IQCF2: variants seen among roughly 807,000 people sequenced by gnomAD.
The protein encoded by IQCF2 is IQ motif containing F2, also known as IQ domain-containing protein F2.
IQCF2 carries 6 observed loss-of-function variants against 7.0 expected under a neutral mutation model. The ratio of observed to expected loss-of-function variants is 0.86; its 90% CI spans 0.47 to 1.70. The LOEUF is 1.70. Among genes scored for constraint, IQCF2 ranks in the 40% most tolerant of loss-of-function variants. The pLI is 0.01. For missense variants in IQCF2, 174 were observed against 204.6 expected (o/e 0.85, Z 0.91); for synonymous variants, 67 against 74.0 (o/e 0.91, Z 0.48).
At chr3:51,862,045 T>A in intron 2 of IQCF2, 95 bp downstream of exon 2, 1 of 846,474 alleles carries the variant, frequency 1.2e-6, no homozygotes, top group Non-Finnish European at 1.9e-6. Flanking sequence ...CAGGGTCTAA[T>A]TAGGAGTCAA....
intron 2 of IQCF2, 148 bp from the exon 3 acceptor site, chr3:51,862,839 C>A: frequency 1.1e-6 from 1 of 930,638 alleles, no homozygotes; most frequent in Non-Finnish European, 1.6e-6. Context: ...ACCACCAGGT[C>A]TGATGGCTCC....
In IQCF2 at chr3:51,861,687, A is replaced by G; in HGVS notation, c.18+3A>G. On this transcript the variant is annotated splice_donor_region_variant and intron_variant, in intron 1 of 2. Coordinates refer to ENST00000333127, the MANE Select transcript of IQCF2 (RefSeq NM_203424.2). ...AGGCCATGAGGGTTCGATTTTGTGT[A>G]AGAGACATGGCCAGATCTATTAGGT... 1 of 1,614,202 alleles carries G rather than the reference A, an allele frequency of 6.2e-7. No individual in the cohort carries two copies. Among genetic ancestry groups the G allele is most frequent in the Non-Finnish European group, 8.5e-7 (1 of 1,180,006 alleles).
rs1214842938 is a variant in IQCF2 at position 51,861,844 on chromosome 3, AAT to A, written c.19-13_19-12del. 1.2e-6 allele frequency: 2 copies of A among 1,606,594 alleles called. No individual in the cohort carries two copies. The highest frequency in any genetic ancestry group is 3.3e-5 in the Admixed American group (2 of 59,986). Reference sequence around the variant, plus strand: ...TAACTCATTTATGTACTTCCCATTTAATTCTGATGACAGACCAAAGGCAATTT... The same window carrying A: ...TAACTCATTTATGTACTTCCCATTTATCTGATGACAGACCAAAGGCAATTT... On this transcript the variant is annotated splice_polypyrimidine_tract_variant and intron_variant, in intron 1 of 2. Transcript: ENST00000333127.
chr3:51,863,077 C>G lies in IQCF2; in HGVS notation c.202C>G (p.Leu68Val). The G allele has an allele frequency of 6.2e-7, 1 of 1,614,228 alleles. No individual in the cohort carries two copies. The highest frequency in any genetic ancestry group is 8.5e-7 in the Non-Finnish European group (1 of 1,180,044). The part of the protein sequence containing the change: ...LVRRTLLHAA[L>V]RAWIIQCWWR... ...GCGCAGGACACTGCTGCATGCAGCC[C>G]TCAGGGCCTGGATAATTCAGTGCTG... Residue 68 changes from leucine to valine, a missense_variant, in exon 3 of 3, where the codon CTC becomes GTC. By Grantham distance (32) the Leu-to-Val change is conservative. Coordinates refer to ENST00000333127, the MANE Select transcript of IQCF2 (RefSeq NM_203424.2).
Position 51,863,140 on chromosome 3 carries a change from C to A in IQCF2, c.265C>A (p.Arg89=). 1 of 1,614,210 alleles carries A rather than the reference C, an allele frequency of 6.2e-7. No homozygotes were observed. Among genetic ancestry groups the A allele is most frequent in the Admixed American group, 1.7e-5 (1 of 60,028 alleles). ...MTLSRVLEKK[R]QAALIAYATR... ...GCTGTCGAGGGTGCTGGAGAAGAAA[C>A]GGCAGGCAGCTCTGATCGCCTACGC... The change falls in exon 3 of 3, where the codon CGG becomes AGG. Residue 89 remains arginine, a synonymous_variant. Coordinates refer to ENST00000333127, the MANE Select transcript of IQCF2 (RefSeq NM_203424.2).
intron 1 of IQCF2, 34 bp from the exon 2 acceptor site, chr3:51,861,824 C>T (rs1462847332): frequency 6.3e-7 from 1 of 1,576,968 alleles, no homozygotes; most frequent in Non-Finnish European, 8.7e-7. Context: ...AGTCTTAACT[C>T]ATTTATGTAC....
Position 51,863,163 on chromosome 3 carries a change from C to G in IQCF2, c.288C>G (p.Tyr96Ter). 1 of 1,614,198 alleles carries G rather than the reference C, an allele frequency of 6.2e-7. No individual in the cohort carries two copies. The highest frequency in any genetic ancestry group is 8.5e-7 in the Non-Finnish European group (1 of 1,180,030). The change falls in exon 3 of 3, where the codon TAC becomes TAG. Residue 96 changes from tyrosine to a stop codon, truncating the protein, a stop_gained. Transcript: ENST00000333127. LOFTEE classifies it high-confidence loss of function. ...AACGGCAGGCAGCTCTGATCGCCTACGCAACCAGAGAGAGGGCAGTGATCA... is the reference window on the plus strand; with the variant it reads ...AACGGCAGGCAGCTCTGATCGCCTAGGCAACCAGAGAGAGGGCAGTGATCA... ...EKKRQAALIA[Y>*]ATRERAVIKL...
rs765103513 is a variant in IQCF2, at chr3:51,863,121, G to A, written c.246G>A (p.Ser82=). 5 of 1,614,242 alleles carry A rather than the reference G, an allele frequency of 3.1e-6. No individual in the cohort carries two copies. Among genetic ancestry groups the A allele is most frequent in the South Asian group, 1.1e-5 (1 of 91,088 alleles). The change falls in exon 3 of 3, where the codon TCG becomes TCA. Residue 82 remains serine (S), a synonymous_variant. Transcript: ENST00000333127. ...IIQCWWRMTL[S]RVLEKKRQAA... ...AGTGCTGGTGGCGGATGACGCTGTC[G>A]AGGGTGCTGGAGAAGAAACGGCAGG...
At chr3:51,862,901 A>G in intron 2 of IQCF2, 86 bp from the exon 3 acceptor site, 1 of 1,462,502 alleles carries the variant, frequency 6.8e-7, no homozygotes, top group Non-Finnish European at 9.2e-7. Context: ...CTGTGTTTTG[A>G]GAGAGAAAAT....
chr3:51,862,535 G>C (rs1190523657), intron 2 of IQCF2, among the ~76,000 whole-genome samples: 1 of 152,132 alleles, frequency 6.6e-6, no homozygotes, highest in African/African-American at 2.4e-5. Context: ...TATGTGGTCA[G>C]GGTATTGAAA....
chr3:51,862,687 T>A (rs968871557), intron 2 of IQCF2, among the ~76,000 whole-genome samples: 1 of 152,202 alleles, frequency 6.6e-6, no homozygotes, highest in African/African-American at 2.4e-5. Context: ...TGAGTGTGAC[T>A]AACAAGGTCC....
At position 51,863,322 on chromosome 3, in the gene IQCF2, G is replaced by A. The variant is rs1483893684; in HGVS notation, c.447G>A (p.Val149=). The change falls in exon 3 of 3, where the codon GTG becomes GTA. Residue 149 remains valine, a synonymous_variant. Transcript: ENST00000333127. ...QTCALLQGHC[V]VTATHLQFHI... ...GCGCTCTCCTCCAGGGCCACTGTGT[G>A]GTCACAGCCACTCACCTGCAGTTCC... The A allele has an allele frequency of 2.5e-6, 4 of 1,614,116 alleles. No homozygotes were observed. Among genetic ancestry groups the A allele is most frequent in the Non-Finnish European group, 3.4e-6 (4 of 1,180,028 alleles).
chr3:51,862,925 A>G, intron 2 of IQCF2, 62 bp from the exon 3 acceptor site: 1 of 1,521,212 alleles, frequency 6.6e-7, no homozygotes, highest in Non-Finnish European at 8.8e-7. Context: ...GGCTCCTTCC[A>G]GGAAGATCCT....
rs777226506 is a variant in IQCF2 at position 51,861,912 on chromosome 3, T to A, written c.73T>A (p.Trp25Arg). The A allele has an allele frequency of 6.2e-7, 1 of 1,614,046 alleles. No individual in the cohort carries two copies. Among genetic ancestry groups the A allele is most frequent in the Admixed American group, 1.7e-5 (1 of 60,020 alleles). The part of the protein sequence containing the change: ...IIEDVEESIE[W>R]KTLQKKKQQK... ...TGAGGATGTTGAAGAAAGCATTGAA[T>A]GGAAGACATTGCAGAAGAAGAAACA... Residue 25 changes from tryptophan to arginine, a missense_variant, in exon 2 of 3, where the codon TGG becomes AGG. Transcript: ENST00000333127.
At position 51,863,420 on chromosome 3, in the gene IQCF2, C is replaced by T. The variant is rs778842778; in HGVS notation, c.*50C>T. ...CTACTGTCCCTATTAAAGGTCTAAC[C>T]TGGTCTGGTGTGTCTCATGGGCTCC... On this transcript the variant is annotated 3_prime_UTR_variant, in exon 3 of 3. Transcript: ENST00000333127. 2.6e-6 allele frequency: 4 copies of T among 1,556,992 alleles called. No homozygotes were observed. Among genetic ancestry groups the T allele is most frequent in the Non-Finnish European group, 3.5e-6 (4 of 1,142,160 alleles).
intron 2 of IQCF2, 116 bp downstream of exon 2, chr3:51,862,066 G>A: frequency 2.8e-6 from 2 of 709,988 alleles, no homozygotes; most frequent in Non-Finnish European, 4.8e-6. Context: ...CTCAATGTTG[G>A]CTCATTTTTC....
At position 51,863,162 on chromosome 3, in the gene IQCF2, A is replaced by G. The variant is rs747642672; in HGVS notation, c.287A>G (p.Tyr96Cys). The change falls in exon 3 of 3, where the codon TAC (tyrosine) becomes TGC (cysteine). Residue 96 changes from tyrosine to cysteine, a missense_variant. Tyr to Cys is a radical substitution (Grantham distance 194). Coordinates refer to ENST00000333127, the MANE Select transcript of IQCF2 (RefSeq NM_203424.2). ...EKKRQAALIAYATRERAVIKL... is the reference protein window; with the variant it reads ...EKKRQAALIACATRERAVIKL... Reference sequence around the variant, plus strand: ...AAACGGCAGGCAGCTCTGATCGCCTACGCAACCAGAGAGAGGGCAGTGATC... The same window carrying G: ...AAACGGCAGGCAGCTCTGATCGCCTGCGCAACCAGAGAGAGGGCAGTGATC... The G allele has an allele frequency of 2.7e-5, 43 of 1,614,078 alleles. No individual in the cohort carries two copies. In the African/African-American group the frequency reaches 2.9e-4, roughly 11 times the overall value.
intron 2 of IQCF2, among the ~76,000 whole-genome samples, chr3:51,862,466 T>C (rs1270810375): frequency 6.8e-6 from 1 of 147,110 alleles, no homozygotes; most frequent in African/African-American, 2.5e-5. Context: ...GAGGTGAGAA[T>C]GTGAGAACTT....
rs1698639981 is a variant in IQCF2 at position 51,861,822 on chromosome 3, C to G, written c.19-36C>G. 10 of 1,578,192 alleles carry G rather than the reference C, an allele frequency of 6.3e-6. No homozygotes were observed. The South Asian group carries it at 1.0e-4, about 16-fold the overall frequency. ...GAGCCATAGAGAGAAACAGTCTTAA[C>G]TCATTTATGTACTTCCCATTTAATT... On this transcript the variant is annotated intron_variant, in intron 1 of 2. Coordinates refer to ENST00000333127, the MANE Select transcript of IQCF2 (RefSeq NM_203424.2).
Sources: allele counts gnomAD v4.1 joint callset (sites outside exome capture counted in the v4.1 genomes callset), GRCh38; gene constraint gnomAD v4.1.1; transcripts MANE v1.5; gene names NCBI Gene and HGNC (gene_info 2026-07-23, HGNC 2026-07-21).